Variants in ANKS1B observed in about 807,000 individuals in gnomAD.
The protein encoded by ANKS1B is ankyrin repeat and sterile alpha motif domain containing 1B, also known as ankyrin repeat and sterile alpha motif domain-containing protein 1B.
Under a neutral mutation model 148.3 loss-of-function variants are expected in ANKS1B, and 36 were observed. That is an observed-to-expected ratio of 0.24 (90% CI 0.19 to 0.32). The LOEUF (loss-of-function observed/expected upper bound fraction) is 0.32, where lower values mean the gene tolerates loss of function less well. ANKS1B is among the 10% of genes least tolerant of loss of function. ANKS1B has a pLI of 1.00. For synonymous variants in ANKS1B, 542 were observed against 560.8 expected (o/e 0.97, Z 0.47); for missense variants, 1,157 against 1,542.6 (o/e 0.75, Z 4.19).
chr12:99,037,504 A>C (rs1056635502), intron 17 of ANKS1B, among the ~76,000 whole-genome samples: 3 of 152,092 alleles, frequency 2.0e-5, no homozygotes, highest in Non-Finnish European at 4.4e-5. Flanking sequence ...TGTCTCAAAA[A>C]AAAAAAAAAT....
intron 12 of ANKS1B, among the ~76,000 whole-genome samples, chr12:99,334,405 A>AG (rs1166756371): frequency 6.6e-6 from 1 of 152,108 alleles, no homozygotes; most frequent in Non-Finnish European, 1.5e-5. Flanking sequence ...TAAGATGCTT[A>AG]GCCAGAATGG....
At chr12:99,421,842 A>G (rs1413184726) in intron 11 of ANKS1B, among the ~76,000 whole-genome samples, 1 of 152,088 alleles carries the variant, frequency 6.6e-6, no homozygotes, top group Non-Finnish European at 1.5e-5. Context: ...TCAATGGGGC[A>G]AATCCTTCAT....
chr12:99,273,213 A>G (rs1438298449), intron 12 of ANKS1B, among the ~76,000 whole-genome samples: 1 of 152,156 alleles, frequency 6.6e-6, no homozygotes, highest in Non-Finnish European at 1.5e-5. Flanking sequence ...TTTTCATATA[A>G]GAAACATTCT....
Position 99,984,268 on chromosome 12 carries a change from T to C in ANKS1B, c.-31A>G. Reference sequence around the variant, plus strand: ...CTCACCGACTCCCCCACAGAGTCCTTGCCCCCCTCGGGTCCTCCTCCCCAC... The same window carrying C: ...CTCACCGACTCCCCCACAGAGTCCTCGCCCCCCTCGGGTCCTCCTCCCCAC... On this transcript the variant is annotated 5_prime_UTR_variant, in exon 1 of 27. Coordinates refer to ENST00000683438, the MANE Select transcript of ANKS1B (RefSeq NM_001352186.2). 6.3e-7 allele frequency: 1 copy of C among 1,591,732 alleles called. No homozygotes were observed. The highest frequency in any genetic ancestry group is 1.1e-5 in the South Asian group (1 of 88,892).
At chr12:99,825,867 C>A (rs995512770) in intron 1 of ANKS1B, among the ~76,000 whole-genome samples, 22 of 152,186 alleles carry the variant, frequency 1.4e-4, no homozygotes, top group African/African-American at 4.6e-4. Context: ...CAATTGCAAC[C>A]AGGAAAATGT....
At chr12:99,525,461 C>A (rs1447075335) in intron 9 of ANKS1B, among the ~76,000 whole-genome samples, 1 of 152,222 alleles carries the variant, frequency 6.6e-6, no homozygotes, top group Non-Finnish European at 1.5e-5. Context: ...GGAGATCAAC[C>A]TTTATCAGAT....
intron 24 of ANKS1B, among the ~76,000 whole-genome samples, chr12:98,780,510 G>C (rs1160579524): frequency 6.6e-6 from 1 of 152,198 alleles, no homozygotes; most frequent in Non-Finnish European, 1.5e-5. Context: ...CCACTGTGAG[G>C]AAGAAGTCAC....
intron 10 of ANKS1B, among the ~76,000 whole-genome samples, chr12:99,497,998 T>A (rs1177521693): frequency 6.6e-6 from 1 of 152,190 alleles, no homozygotes; most frequent in Non-Finnish European, 1.5e-5. Context: ...AGTACAATTC[T>A]CAAATTTCCT....
Position 98,909,131 on chromosome 12 carries a change from C to A in ANKS1B, c.2779-76995G>T, listed in dbSNP as rs549082250. Among the ~76,000 whole-genome samples the A allele has an allele frequency of 3.9e-5, 6 of 152,238 alleles. No individual in the cohort carries two copies. In the South Asian group the frequency reaches 1.0e-3, roughly 26 times the overall value. On this transcript the variant is annotated intron_variant, in intron 17 of 26. Coordinates refer to ENST00000683438, the MANE Select transcript of ANKS1B (RefSeq NM_001352186.2). ...TGGAATGCTTCCTCTGAGTGACCTC[C>A]CTCTCTGTTCAGGCCACGCATTTCT...
At chr12:98,908,409 A>G (rs997859661) in intron 17 of ANKS1B, among the ~76,000 whole-genome samples, 2 of 152,172 alleles carry the variant, frequency 1.3e-5, no homozygotes, top group African/African-American at 4.8e-5. Context: ...GCACTTAACA[A>G]TATATCATCC....
intron 11 of ANKS1B, among the ~76,000 whole-genome samples, chr12:99,412,341 C>T (rs1476850129): frequency 6.6e-6 from 1 of 152,146 alleles, no homozygotes; most frequent in Admixed American, 6.5e-5. Context: ...CTTCACCTTC[C>T]TTAGATACTT....
chr12:99,186,015 A>C (rs1202299882), intron 14 of ANKS1B, among the ~76,000 whole-genome samples: 5 of 152,198 alleles, frequency 3.3e-5, no homozygotes, highest in African/African-American at 4.8e-5. Context: ...CTGCCAGCAC[A>C]GCAGTCTGAA....
rs554191338 is a variant in ANKS1B, at chr12:98,840,564, T to A, written c.2779-8428A>T. ...ATAGGAAATACTAATTATGAGGAAA[T>A]GAGATCATCTTTGCATGGAAAGAGA... is the stretch of plus-strand genomic sequence containing the variant. On this transcript the variant is annotated intron_variant, in intron 17 of 26. Coordinates refer to ENST00000683438, the MANE Select transcript of ANKS1B (RefSeq NM_001352186.2). 6.6e-5 allele frequency among the ~76,000 whole-genome samples: 10 copies of A among 152,280 alleles called. No homozygotes were observed. The East Asian group carries it at 1.7e-3, about 26-fold the overall frequency.
intron 12 of ANKS1B, among the ~76,000 whole-genome samples, chr12:99,258,103 CA>C (rs35841923): frequency 6.6e-6 from 1 of 152,080 alleles, no homozygotes; most frequent in African/African-American, 2.4e-5. Context: ...AATTTCACTT[CA>C]AAAAAACCAC....
At chr12:99,751,691 T>A (rs917404015) in intron 8 of ANKS1B, among the ~76,000 whole-genome samples, 3 of 152,040 alleles carry the variant, frequency 2.0e-5, no homozygotes, top group Non-Finnish European at 4.4e-5. Flanking sequence ...ATGAAATATA[T>A]AGATAATGCC....
chr12:99,438,339 A>T (rs570112830), intron 11 of ANKS1B, among the ~76,000 whole-genome samples: 4 of 151,954 alleles, frequency 2.6e-5, no homozygotes, highest in African/African-American at 9.6e-5. Flanking sequence ...TCTCTTCATC[A>T]TTGAATTTTA....
chr12:99,909,124 C>T (rs1028928977), intron 1 of ANKS1B, among the ~76,000 whole-genome samples: 1 of 150,084 alleles, frequency 6.7e-6, no homozygotes, highest in Non-Finnish European at 1.5e-5. Context: ...TCTTTCTGTG[C>T]CTGGCTTTTT....
chr12:98,769,745 T>C (rs2098543382), intron 25 of ANKS1B, among the ~76,000 whole-genome samples: 2 of 152,196 alleles, frequency 1.3e-5, no homozygotes, highest in Non-Finnish European at 2.9e-5. Context: ...GATACTCTGA[T>C]GAAGGCAAAT....
intron 12 of ANKS1B, among the ~76,000 whole-genome samples, chr12:99,385,485 A>T (rs2093823395): frequency 6.6e-6 from 1 of 152,170 alleles, no homozygotes; most frequent in Non-Finnish European, 1.5e-5. Context: ...TAATAATAAT[A>T]ATTTTAAAAG....
Sources: allele counts gnomAD v4.1 joint callset (sites outside exome capture counted in the v4.1 genomes callset), GRCh38; gene constraint gnomAD v4.1.1; transcripts MANE v1.5; gene names NCBI Gene and HGNC (gene_info 2026-07-23, HGNC 2026-07-21).